Variants in UGT1A6 observed in about 807,000 individuals in gnomAD.
UGT1A6 encodes the protein UDP glucuronosyltransferase family 1 member A6, also known as UDP-glucuronosyltransferase 1A6.
In UGT1A6, 32 loss-of-function variants were observed where a neutral mutation model predicts 44.4. The ratio of observed to expected loss-of-function variants is 0.72; its 90% CI spans 0.54 to 0.97. The LOEUF (loss-of-function observed/expected upper bound fraction) is 0.97, where lower values mean the gene tolerates loss of function less well. Among genes scored for constraint, UGT1A6 ranks in the 50% least tolerant of loss-of-function variants. The pLI is 0.00. For synonymous variants in UGT1A6, 238 were observed against 248.5 expected, an observed-to-expected ratio of 0.96 and a Z score of 0.40; for missense variants, 685 against 661.9, an observed-to-expected ratio of 1.03 and a Z score of -0.38.
chr2:233,761,169 A>C, intron 1 of UGT1A6: 1 of 1,614,188 alleles, frequency 6.2e-7, no homozygotes, highest in Non-Finnish European at 8.5e-7. Flanking sequence ...TTGGAGTGGG[A>C]CTTTTACATG....
chr2:233,714,705 C>T (rs577508309), intron 1 of UGT1A6, among the ~76,000 whole-genome samples: 2 of 152,262 alleles, frequency 1.3e-5, no homozygotes, highest in South Asian at 2.1e-4. Context: ...AACTGTTTAA[C>T]GTAGCTTTTT....
chr2:233,772,383 C>T lies in UGT1A6; in HGVS notation c.1423C>T (p.Pro475Ser). The T allele has an allele frequency of 1.2e-6, 2 of 1,614,238 alleles. No individual in the cohort carries two copies. The highest frequency in any genetic ancestry group is 1.3e-5 in the African/African-American group (1 of 75,068). The change falls in exon 5 of 5, where the codon CCC becomes TCC. Residue 475 changes from proline (P) to serine (S), a missense_variant. Transcript: ENST00000305139. ...MRHKGAPHLR[P>S]AAHDLTWYQY... Reference sequence around the variant, plus strand: ...GCACAAGGGCGCGCCACACCTGCGCCCCGCAGCCCACGACCTCACCTGGTA... The same window carrying T: ...GCACAAGGGCGCGCCACACCTGCGCTCCGCAGCCCACGACCTCACCTGGTA...
chr2:233,692,927 T>G lies in UGT1A6; in HGVS notation c.-78T>G. 2 of 1,581,200 alleles carry G rather than the reference T, an allele frequency of 1.3e-6. No individual in the cohort carries two copies. Among genetic ancestry groups the G allele is most frequent in the Admixed American group, 3.6e-5 (2 of 56,092 alleles). ...GACCTGTGAAAAGCAGTGGTTAGTT[T>G]AGGGAAAATACCTAGGAGCCCTGTG... On this transcript the variant is annotated 5_prime_UTR_variant, in exon 1 of 5. Coordinates refer to ENST00000305139, the MANE Select transcript of UGT1A6 (RefSeq NM_001072.4).
chr2:233,747,052 G>A (rs1432721744), intron 1 of UGT1A6, among the ~76,000 whole-genome samples: 1 of 151,950 alleles, frequency 6.6e-6, no homozygotes, highest in African/African-American at 2.4e-5. Flanking sequence ...GAAAGACAAT[G>A]ATTGGTTAAT....
At position 233,729,852 on chromosome 2, in the gene UGT1A6, G is replaced by A. The variant is rs774381589; in HGVS notation, c.861+35987G>A. On this transcript the variant is annotated intron_variant, in intron 1 of 4. Transcript: ENST00000305139. ...TTGCCTCTGAGCTTTTTCAGAGAGAGGTGTCAGTGGTGGATATTCTCAGTC... is the reference window on the plus strand; with the variant it reads ...TTGCCTCTGAGCTTTTTCAGAGAGAAGTGTCAGTGGTGGATATTCTCAGTC... The A allele has an allele frequency of 4.3e-6, 7 of 1,613,776 alleles. No homozygotes were observed. In the African/African-American group the frequency reaches 9.3e-5, roughly 22 times the overall value.
chr2:233,712,855 A>T lies in UGT1A6; in HGVS notation c.861+18990A>T. ...ATTATAGATTAACGGGTAATAAGTAACTGGAGGAGGGCACTCTGTCTTCAA... is the reference window on the plus strand; with the variant it reads ...ATTATAGATTAACGGGTAATAAGTATCTGGAGGAGGGCACTCTGTCTTCAA... On this transcript the variant is annotated intron_variant, in intron 1 of 4. Coordinates refer to ENST00000305139, the MANE Select transcript of UGT1A6 (RefSeq NM_001072.4). The T allele has an allele frequency of 4.5e-6, 7 of 1,553,020 alleles. No individual in the cohort carries two copies. In the South Asian group the frequency reaches 8.4e-5, roughly 19 times the overall value.
intron 1 of UGT1A6, chr2:233,718,926 A>G (rs1264796990): frequency 1.2e-6 from 2 of 1,614,126 alleles, no homozygotes; most frequent in Non-Finnish European, 1.7e-6. Context: ...GGTGGTGCCC[A>G]CTGATGGCAG....
Position 233,769,806 on chromosome 2 carries a change from G to T in UGT1A6, c.1301+1367G>T. The T allele has an allele frequency of 9.4e-7, 1 of 1,067,140 alleles. No homozygotes were observed. The highest frequency in any genetic ancestry group is 1.3e-6 in the Non-Finnish European group (1 of 792,912). The allele number at this position is 1,067,140 out of a possible 1,614,324, so 66.1% of individuals were successfully genotyped here. On this transcript the variant is annotated intron_variant, in intron 4 of 4. Transcript: ENST00000305139. The surrounding 1 kb of genome is among the most constrained non-coding windows in gnomAD (Gnocchi z 4.4). ...GAAGTTGGAGGCTGCTATGAGCCGT[G>T]ATCATGCCACTGCACTCCAGCAACC...
intron 1 of UGT1A6, among the ~76,000 whole-genome samples, chr2:233,748,877 G>T (rs1694052195): frequency 6.6e-6 from 1 of 151,560 alleles, no homozygotes; most frequent in Admixed American, 6.6e-5. Flanking sequence ...GGACGGTGAT[G>T]AATGGACATG....
At chr2:233,757,551 T>C (rs9711503) in intron 1 of UGT1A6, among the ~76,000 whole-genome samples, 892 of 76,060 alleles carry the variant, frequency 0.012, 7 homozygotes, top group South Asian at 0.018. Flanking sequence ...TATATATATA[T>C]ATATATATAT....
chr2:233,757,240 G>A (rs1051117267), intron 1 of UGT1A6, among the ~76,000 whole-genome samples: 5 of 149,398 alleles, frequency 3.3e-5, no homozygotes, highest in African/African-American at 1.2e-4. Flanking sequence ...AAGTGGTGGT[G>A]AGGTGGGGTT....
At chr2:233,733,152 T>G (rs1034530556) in intron 1 of UGT1A6, among the ~76,000 whole-genome samples, 15 of 152,252 alleles carry the variant, frequency 9.9e-5, no homozygotes, top group African/African-American at 3.4e-4. Context: ...TTTTGCACAT[T>G]GATTTTGTAT....
rs375204962 is a variant in UGT1A6, at chr2:233,760,376, T to C, written c.862-6658T>C. The C allele has an allele frequency of 6.2e-6, 10 of 1,614,042 alleles. No individual in the cohort carries two copies. In the African/African-American group the frequency reaches 6.7e-5, roughly 11 times the overall value. ...CCAGTGGTGTCCCATGCTGGGAAGA[T>C]ACTGTTGATCCCAGTGGATGGCAGC... On this transcript the variant is annotated intron_variant, in intron 1 of 4. Coordinates refer to ENST00000305139, the MANE Select transcript of UGT1A6 (RefSeq NM_001072.4).
Position 233,772,431 on chromosome 2 carries a change from A to G in UGT1A6, c.1471A>G (p.Ile491Val), listed in dbSNP as rs2126066962. The G allele has an allele frequency of 4.3e-6, 7 of 1,614,128 alleles. No individual in the cohort carries two copies. The East Asian group carries it at 1.6e-4, about 36-fold the overall frequency. The change falls in exon 5 of 5, where the codon ATT (isoleucine) becomes GTT (valine). Residue 491 changes from isoleucine (I) to valine (V), a missense_variant. By Grantham distance (29) the Ile-to-Val change is conservative (BLOSUM62 3). Coordinates refer to ENST00000305139, the MANE Select transcript of UGT1A6 (RefSeq NM_001072.4). ...TWYQYHSLDV[I>V]GFLLAVVLTV... ...GTACCAGTACCATTCCTTGGACGTG[A>G]TTGGTTTCCTCTTGGCCGTCGTGCT...
chr2:233,741,715 A>AG (rs2125837750), intron 1 of UGT1A6: 1 of 152,002 alleles, frequency 6.6e-6, no homozygotes, highest in African/African-American at 2.4e-5. Context: ...TGAGGGTTCT[A>AG]GAGCATATCC....
At chr2:233,729,589 A>C (rs2077888801) in intron 1 of UGT1A6, 4 of 1,614,098 alleles carry the variant, frequency 2.5e-6, no homozygotes, top group Non-Finnish European at 2.5e-6. Context: ...AGACCCCGTT[A>C]ACCTCTGCGC....
intron 1 of UGT1A6, among the ~76,000 whole-genome samples, chr2:233,765,603 T>TG (rs1226627495): frequency 6.6e-6 from 1 of 151,130 alleles, no homozygotes; most frequent in African/African-American, 2.4e-5. Context: ...CCAGGGCTTG[T>TG]GGCGGGGTGA....
intron 1 of UGT1A6, among the ~76,000 whole-genome samples, chr2:233,709,420 GTCC>G (rs1443021141): frequency 6.6e-6 from 1 of 152,122 alleles, no homozygotes; most frequent in Non-Finnish European, 1.5e-5. Context: ...CAATAAGAAT[GTCC>G]TCCAGAAAGG....
intron 1 of UGT1A6, chr2:233,708,584 A>G (rs922814919): frequency 1.3e-5 from 2 of 152,072 alleles, no homozygotes; most frequent in Non-Finnish European, 2.9e-5. Flanking sequence ...AGATTCCTTC[A>G]CTACAGAAAG....
Sources: allele counts gnomAD v4.1 joint callset (sites outside exome capture counted in the v4.1 genomes callset), GRCh38; gene constraint gnomAD v4.1.1; non-coding constraint Gnocchi (gnomAD v3.1); transcripts MANE v1.5; gene names NCBI Gene and HGNC (gene_info 2026-07-23, HGNC 2026-07-21).